CNTNAP2: variants seen among roughly 807,000 people sequenced by gnomAD.
CNTNAP2 encodes contactin-associated protein-like 2.
Under a neutral mutation model 155.2 loss-of-function variants are expected in CNTNAP2, and 98 were observed. The ratio of observed to expected loss-of-function variants is 0.63; its 90% CI spans 0.54 to 0.75. The LOEUF (loss-of-function observed/expected upper bound fraction) is 0.75. CNTNAP2 is among the 30% of genes least tolerant of loss of function. The probability of loss-of-function intolerance (pLI) is 0.00; values close to 1 mark genes in which losing one functional copy is unlikely to be tolerated. For synonymous variants in CNTNAP2, 651 were observed against 631.2 expected, an observed-to-expected ratio of 1.03 and a Z score of -0.47; for missense variants, 1,727 against 1,688.1, an observed-to-expected ratio of 1.02 and a Z score of -0.40.
At chr7:146,997,631 T>G (rs1371903689) in intron 3 of CNTNAP2, among the ~76,000 whole-genome samples, 1 of 152,092 alleles carries the variant, frequency 6.6e-6, no homozygotes, top group Non-Finnish European at 1.5e-5. Flanking sequence ...AGAATTGATA[T>G]TAGTTCTTTA....
intron 13 of CNTNAP2, among the ~76,000 whole-genome samples, chr7:147,654,808 CTTTTTTTTTTTT>C (rs1186575442): frequency 3.1e-5 from 3 of 97,342 alleles, no homozygotes; most frequent in African/African-American, 8.9e-5. Context: ...AAATATATTT[CTTTTTTTTTTTT>C]TTTTTTTTTT....
chr7:146,294,050 A>G (rs1203964933), intron 1 of CNTNAP2, among the ~76,000 whole-genome samples: 4 of 152,140 alleles, frequency 2.6e-5, no homozygotes, highest in Admixed American at 6.6e-5. Flanking sequence ...TCAACCCCAT[A>G]AGGAATTTGT....
intron 1 of CNTNAP2, among the ~76,000 whole-genome samples, chr7:146,129,499 T>C (rs1201821269): frequency 1.3e-5 from 2 of 152,188 alleles, no homozygotes; most frequent in African/African-American, 4.8e-5. Flanking sequence ...CCTGGAGTTG[T>C]ACTGTGTCAA....
At chr7:147,345,753 AT>A (rs1443880008) in intron 9 of CNTNAP2, among the ~76,000 whole-genome samples, 1 of 152,218 alleles carries the variant, frequency 6.6e-6, no homozygotes. Flanking sequence ...CAGAGTTACT[AT>A]AGAGGAACTA....
intron 1 of CNTNAP2, among the ~76,000 whole-genome samples, chr7:146,186,556 A>G (rs914664253): frequency 6.6e-6 from 1 of 152,294 alleles, no homozygotes; most frequent in Non-Finnish European, 1.5e-5. Context: ...ATTAAAAATA[A>G]CTTAATCACT....
chr7:147,960,418 G>C (rs548479434), intron 14 of CNTNAP2, among the ~76,000 whole-genome samples: 6 of 152,296 alleles, frequency 3.9e-5, no homozygotes, highest in Non-Finnish European at 7.4e-5. Context: ...AGGTGGTACT[G>C]ACTCCAGCAG....
At chr7:147,538,478 C>G (rs1164353036) in intron 11 of CNTNAP2, among the ~76,000 whole-genome samples, 1 of 151,886 alleles carries the variant, frequency 6.6e-6, no homozygotes, top group African/African-American at 2.4e-5. Flanking sequence ...ATAGTGAGAC[C>G]CCCTTCTACA....
At chr7:147,166,841 G>A (rs1584767084) in intron 8 of CNTNAP2, among the ~76,000 whole-genome samples, 1 of 152,268 alleles carries the variant, frequency 6.6e-6, no homozygotes, top group East Asian at 1.9e-4. Context: ...AATTAAGACA[G>A]GAACGGCCAT....
At chr7:146,647,694 C>T (rs1799838363) in intron 1 of CNTNAP2, among the ~76,000 whole-genome samples, 1 of 152,096 alleles carries the variant, frequency 6.6e-6, no homozygotes, top group South Asian at 2.1e-4. Flanking sequence ...AACAGTGCAG[C>T]ACAGGAAATC....
In CNTNAP2 at chr7:147,139,669, G is replaced by C. The variant is rs144546925; in HGVS notation, c.1348+7160G>C. ...AGGCTCATTAGGTTATCTGTTGCTT[G>C]GTTGTAACTAGATGTGGAAATCAGC... On this transcript the variant is annotated intron_variant, in intron 8 of 23. Coordinates refer to ENST00000361727, the MANE Select transcript of CNTNAP2 (RefSeq NM_014141.6). 4.1e-3 allele frequency among the ~76,000 whole-genome samples: 626 copies of C among 152,080 alleles called. 6 individuals carry two copies. The highest frequency in any genetic ancestry group is 0.014 in the African/African-American group (600 of 41,516).
intron 3 of CNTNAP2, among the ~76,000 whole-genome samples, chr7:147,023,794 A>T (rs576061046): frequency 1.1e-4 from 17 of 152,200 alleles, no homozygotes; most frequent in Admixed American, 5.2e-4. Context: ...TGGAGATGTA[A>T]TTGAGTCCTC....
At chr7:146,385,598 T>C (rs908144011) in intron 1 of CNTNAP2, among the ~76,000 whole-genome samples, 1 of 152,158 alleles carries the variant, frequency 6.6e-6, no homozygotes, top group African/African-American at 2.4e-5. Flanking sequence ...TTGGATGAGA[T>C]TTATTTGATC....
chr7:147,164,944 T>G (rs2116461909), intron 8 of CNTNAP2, among the ~76,000 whole-genome samples: 1 of 152,330 alleles, frequency 6.6e-6, no homozygotes, highest in Admixed American at 6.5e-5. Flanking sequence ...CTTTATACAC[T>G]TAATTTCATT....
At chr7:147,889,695 A>C (rs970019030) in intron 13 of CNTNAP2, among the ~76,000 whole-genome samples, 1 of 152,312 alleles carries the variant, frequency 6.6e-6, no homozygotes. Flanking sequence ...ATCCAAAAGA[A>C]CTTTCTGAGG....
At chr7:146,897,375 G>T (rs1312491227) in intron 3 of CNTNAP2, among the ~76,000 whole-genome samples, 1 of 152,074 alleles carries the variant, frequency 6.6e-6, no homozygotes. Flanking sequence ...GGAAAATCCT[G>T]ATATCAGAAT....
chr7:146,742,067 TA>T (rs11397176), intron 1 of CNTNAP2, among the ~76,000 whole-genome samples: 33,651 of 146,500 alleles, frequency 0.23, 4,238 homozygotes, highest in African/African-American at 0.35. Context: ...TAGACTGTGT[TA>T]AAAAAAAAAA....
At chr7:147,356,414 T>A (rs901381280) in intron 9 of CNTNAP2, among the ~76,000 whole-genome samples, 1 of 152,028 alleles carries the variant, frequency 6.6e-6, no homozygotes. Flanking sequence ...TTCAACATAG[T>A]GTTGGAAGTT....
intron 8 of CNTNAP2, among the ~76,000 whole-genome samples, chr7:147,293,014 C>T (rs909206467): frequency 5.3e-5 from 8 of 152,128 alleles, no homozygotes; most frequent in Non-Finnish European, 8.8e-5. Context: ...GTGATATGCC[C>T]GCTTCTGCCT....
At chr7:148,247,797 G>T (rs1344671442) in intron 20 of CNTNAP2, among the ~76,000 whole-genome samples, 1 of 151,622 alleles carries the variant, frequency 6.6e-6, no homozygotes, top group East Asian at 1.9e-4. Context: ...GGAATTACAG[G>T]TGTGTGCCAC....
Sources: allele counts gnomAD v4.1 joint callset (sites outside exome capture counted in the v4.1 genomes callset), GRCh38; gene constraint gnomAD v4.1.1; transcripts MANE v1.5; gene names NCBI Gene and HGNC (gene_info 2026-07-23, HGNC 2026-07-21).